The following ADK variants were observed in gnomAD, a reference collection of about 807,000 sequenced individuals.
ADK encodes adenosine kinase.
ADK carries 24 observed loss-of-function variants against 44.7 expected under a neutral mutation model. The observed-to-expected ratio is 0.54, with a 90% CI of 0.39 to 0.76. The LOEUF is 0.76. Among genes scored for constraint, ADK ranks in the 30% least tolerant of loss-of-function variants. The probability of loss-of-function intolerance (pLI) is 0.00; values close to 1 mark genes in which losing one functional copy is unlikely to be tolerated. For synonymous variants in ADK, 128 were observed against 142.6 expected (o/e 0.90, Z 0.73); for missense variants, 321 against 425.1 (o/e 0.76, Z 2.15).
At chr10:74,700,631 AAAG>A (rs1856388533) in intron 10 of ADK, among the ~76,000 whole-genome samples, 1 of 152,038 alleles carries the variant, frequency 6.6e-6, no homozygotes, top group Admixed American at 6.6e-5. Context: ...ACAAAAAAAA[AAAG>A]AAAAGAAAAA....
chr10:74,557,250 T>C (rs188404555), intron 7 of ADK, among the ~76,000 whole-genome samples: 84 of 152,324 alleles, frequency 5.5e-4, no homozygotes, highest in Admixed American at 1.6e-3. Flanking sequence ...TAAAAAGGCA[T>C]ATATATTTGA....
intron 3 of ADK, among the ~76,000 whole-genome samples, chr10:74,248,910 A>G (rs1845536144): frequency 6.6e-6 from 1 of 152,192 alleles, no homozygotes; most frequent in Non-Finnish European, 1.5e-5. Flanking sequence ...TGGCAGAGAA[A>G]AGGATGATAA....
At chr10:74,169,819 T>C (rs749131335) in intron 1 of ADK, among the ~76,000 whole-genome samples, 29 of 152,212 alleles carry the variant, frequency 1.9e-4, no homozygotes, top group Non-Finnish European at 3.1e-4. Context: ...AAAAATTCAA[T>C]ATGTTTTGAG....
intron 2 of ADK, 31 bp downstream of exon 2, chr10:74,200,869 T>G: frequency 3.7e-6 from 5 of 1,362,934 alleles, no homozygotes; most frequent in Non-Finnish European, 5.2e-6. Context: ...ATGCACTATG[T>G]GGAACTTACA....
chr10:74,200,873 A>C, intron 2 of ADK, 35 bp downstream of exon 2: 1 of 1,342,664 alleles, frequency 7.4e-7, no homozygotes, highest in Non-Finnish European at 1.1e-6. Context: ...ACTATGTGGA[A>C]CTTACATTTG....
chr10:74,162,823 G>A (rs1249868537), intron 1 of ADK, among the ~76,000 whole-genome samples: 2 of 152,080 alleles, frequency 1.3e-5, no homozygotes, highest in African/African-American at 4.8e-5. Context: ...GATTACAGGT[G>A]TGAGCTACCA....
Position 74,351,581 on chromosome 10 carries a change from G to A in ADK, c.273+36836G>A, listed in dbSNP as rs533083259. On this transcript the variant is annotated intron_variant, in intron 4 of 10. Coordinates refer to ENST00000539909, the MANE Select transcript of ADK (RefSeq NM_006721.4). The stretch of plus-strand genomic sequence containing the variant: ...AGTTCTGACTAGAGCAATCTGGCAA[G>A]AGAAAGAAATAAAGCGTATTTAAAT... Among the ~76,000 whole-genome samples the A allele has an allele frequency of 2.0e-5, 3 of 152,252 alleles. No homozygotes were observed. The East Asian group carries it at 5.8e-4, about 29-fold the overall frequency.
At chr10:74,678,477 G>A (rs871267) in intron 10 of ADK, among the ~76,000 whole-genome samples, 105,910 of 152,062 alleles carry the variant, frequency 0.7, 37,090 homozygotes, top group Middle Eastern at 0.79. Flanking sequence ...TCTCATCAAC[G>A]CAAATGTTCC....
chr10:74,281,665 A>G (rs531092353), intron 3 of ADK, among the ~76,000 whole-genome samples: 57 of 152,344 alleles, frequency 3.7e-4, no homozygotes, highest in Non-Finnish European at 7.2e-4. Context: ...ATACCAATCA[A>G]AATAACTATT....
chr10:74,534,219 A>C (rs892567499), intron 7 of ADK, among the ~76,000 whole-genome samples: 10 of 152,170 alleles, frequency 6.6e-5, no homozygotes, highest in Non-Finnish European at 1.2e-4. Flanking sequence ...ACATACGTCA[A>C]GTTTTATCTA....
At chr10:74,425,118 T>C (rs1307969939) in intron 6 of ADK, among the ~76,000 whole-genome samples, 1 of 152,162 alleles carries the variant, frequency 6.6e-6, no homozygotes, top group East Asian at 1.9e-4. Context: ...AAGAGAGTAT[T>C]TACATTTGAA....
At chr10:74,637,387 A>G (rs1355276894) in intron 9 of ADK, among the ~76,000 whole-genome samples, 2 of 152,222 alleles carry the variant, frequency 1.3e-5, no homozygotes, top group Admixed American at 6.5e-5. Context: ...CTTTAACTAC[A>G]TATAGCTTAC....
intron 7 of ADK, among the ~76,000 whole-genome samples, chr10:74,546,262 G>C (rs181166037): frequency 1.2e-3 from 176 of 152,312 alleles, no homozygotes; most frequent in African/African-American, 4.1e-3. Context: ...CAACTCTCTG[G>C]AACTTAGTAC....
rs1397377612 is a variant in ADK at position 74,596,551 on chromosome 10, C to CT, written c.763-3816dup. 8.6e-3 allele frequency among the ~76,000 whole-genome samples: 1,168 copies of CT among 136,522 alleles called. 12 individuals are homozygous for CT. The highest frequency in any genetic ancestry group is 0.022 in the African/African-American group (728 of 32,508). The allele number at this position is 136,522 out of a possible 152,430, so 89.6% of individuals were successfully genotyped here. A position where few individuals can be genotyped will look rare whatever the true frequency, so the allele number is the denominator to read the frequency against. On this transcript the variant is annotated intron_variant, in intron 8 of 10. Transcript: ENST00000539909. ...CCAATGTCATTCTCTCTCTCTCTCT[C>CT]TTTTTTTTTTTTGAGACAGGGTCTG...
chr10:74,225,250 G>C (rs1296152374), intron 3 of ADK, among the ~76,000 whole-genome samples: 1 of 151,916 alleles, frequency 6.6e-6, no homozygotes, highest in Non-Finnish European at 1.5e-5. Flanking sequence ...GCTAAATTTT[G>C]TATTTTAAGT....
In ADK at chr10:74,391,923, A is replaced by G. The variant is rs557170181; in HGVS notation, c.274-2218A>G. Among the ~76,000 whole-genome samples, 5 of 152,232 alleles carry G rather than the reference A, an allele frequency of 3.3e-5. No homozygotes were observed. The South Asian group carries it at 1.0e-3, about 32-fold the overall frequency. On this transcript the variant is annotated intron_variant, in intron 4 of 10. Coordinates refer to ENST00000539909, the MANE Select transcript of ADK (RefSeq NM_006721.4). ...GTTTCTATGATTTTGACTACTTCAG[A>G]TACTTCCTATGAATGGAATCATACA...
At chr10:74,553,141 A>G (rs1374052026) in intron 7 of ADK, among the ~76,000 whole-genome samples, 2 of 150,656 alleles carry the variant, frequency 1.3e-5, no homozygotes, top group African/African-American at 4.9e-5. Flanking sequence ...GAAGATTCAT[A>G]GCAGCAAACA....
At chr10:74,522,590 GTCT>G (rs910269497) in intron 6 of ADK, among the ~76,000 whole-genome samples, 15 of 151,900 alleles carry the variant, frequency 9.9e-5, no homozygotes, top group Non-Finnish European at 1.8e-4. Flanking sequence ...AATTTTTTTA[GTCT>G]TCTTATTGTA....
At chr10:74,350,785 C>G (rs564473064) in intron 4 of ADK, among the ~76,000 whole-genome samples, 25 of 152,258 alleles carry the variant, frequency 1.6e-4, no homozygotes, top group African/African-American at 5.8e-4. Flanking sequence ...ATACTATAAA[C>G]ACCTCTATGC....
Sources: allele counts gnomAD v4.1 joint callset (sites outside exome capture counted in the v4.1 genomes callset), GRCh38; gene constraint gnomAD v4.1.1; transcripts MANE v1.5; gene names NCBI Gene and HGNC (gene_info 2026-07-23, HGNC 2026-07-21).